STK32B: variants seen among roughly 807,000 people sequenced by gnomAD.
The protein encoded by STK32B is serine/threonine kinase 32B.
A neutral mutation model predicts 52.6 loss-of-function variants in STK32B; 43 were observed. That is an observed-to-expected ratio of 0.82 (90% confidence interval 0.64 to 1.05). STK32B has a LOEUF of 1.05. STK32B is among the 50% of genes least tolerant of loss of function. The probability of loss-of-function intolerance (pLI) is 0.00; values close to 1 mark genes in which losing one functional copy is unlikely to be tolerated. For missense variants in STK32B, 621 were observed against 534.6 expected (o/e 1.16, Z -1.59); for synonymous variants, 238 against 204.3 (o/e 1.17, Z -1.41).
intron 3 of STK32B, among the ~76,000 whole-genome samples, chr4:5,213,268 G>T (rs980808054): frequency 6.6e-6 from 1 of 152,082 alleles, no homozygotes; most frequent in Non-Finnish European, 1.5e-5. Context: ...CATCAATCCT[G>T]TCCTGGGTTA....
chr4:5,074,218 G>A (rs533954556), intron 1 of STK32B, among the ~76,000 whole-genome samples: 7 of 151,656 alleles, frequency 4.6e-5, no homozygotes, highest in East Asian at 1.9e-4. Context: ...GTGCGCGTGC[G>A]TGAAATATAT....
chr4:5,259,925 G>T (rs529518277), intron 3 of STK32B, among the ~76,000 whole-genome samples: 1 of 152,146 alleles, frequency 6.6e-6, no homozygotes, highest in African/African-American at 2.4e-5. Context: ...AAGACCTGGG[G>T]GTGTGGTAGG....
intron 3 of STK32B, among the ~76,000 whole-genome samples, chr4:5,281,901 T>C (rs970033980): frequency 2.0e-5 from 3 of 152,206 alleles, no homozygotes; most frequent in Non-Finnish European, 4.4e-5. Flanking sequence ...GATACATATG[T>C]TACATATTTT....
At chr4:5,300,181 C>T (rs893119002) in intron 3 of STK32B, among the ~76,000 whole-genome samples, 6 of 152,072 alleles carry the variant, frequency 3.9e-5, no homozygotes, top group African/African-American at 1.4e-4. Flanking sequence ...AAAAACAAAC[C>T]ATATGATCAT....
chr4:5,404,863 A>ATT (rs58235629), intron 5 of STK32B, among the ~76,000 whole-genome samples: 28 of 113,172 alleles, frequency 2.5e-4, no homozygotes, highest in African/African-American at 5.0e-4. Context: ...TCTGTATGCG[A>ATT]TTTTTTTTTT....
chr4:5,327,343 T>G (rs1731949502), intron 3 of STK32B, among the ~76,000 whole-genome samples: 1 of 150,582 alleles, frequency 6.6e-6, no homozygotes, highest in Non-Finnish European at 1.5e-5. Context: ...TCCAGAAGAT[T>G]TTCAATTTAC....
chr4:5,494,384 A>G (rs1476423239), intron 11 of STK32B, among the ~76,000 whole-genome samples: 1 of 151,026 alleles, frequency 6.6e-6, no homozygotes. Flanking sequence ...TTTATCAGAG[A>G]TTGGGATTGC....
At chr4:5,462,206 G>T (rs1246197969) in intron 9 of STK32B, among the ~76,000 whole-genome samples, 1 of 151,892 alleles carries the variant, frequency 6.6e-6, no homozygotes, top group East Asian at 1.9e-4. Flanking sequence ...CGTGGTGTGT[G>T]TGCCTATATG....
At chr4:5,129,169 C>A (rs772749240) in intron 1 of STK32B, among the ~76,000 whole-genome samples, 21 of 152,176 alleles carry the variant, frequency 1.4e-4, no homozygotes, top group Non-Finnish European at 2.6e-4. Flanking sequence ...TATGTTGTTA[C>A]AAGTAACTCC....
intron 1 of STK32B, among the ~76,000 whole-genome samples, chr4:5,060,435 A>G (rs1742174639): frequency 6.6e-6 from 1 of 151,508 alleles, no homozygotes; most frequent in African/African-American, 2.4e-5. Context: ...TTCTTGGTTT[A>G]TCAGTTTTTA....
the STK32B span, among the ~76,000 whole-genome samples, chr4:5,028,110 C>T: frequency 1.3e-5 from 2 of 152,192 alleles, no homozygotes. Flanking sequence ...GCAGAGTGCT[C>T]GGTGCGGAGC....
At chr4:5,417,549 T>C (rs1712264714) in intron 6 of STK32B, among the ~76,000 whole-genome samples, 1 of 152,076 alleles carries the variant, frequency 6.6e-6, no homozygotes, top group African/African-American at 2.4e-5. Context: ...ATTGTGTTTA[T>C]TTGTTTTGTG....
rs3077842 is a variant in STK32B at position 5,163,538 on chromosome 4, C to CTGTGTGTGTGTG, written c.109-4729_109-4718dup. On this transcript the variant is annotated intron_variant, in intron 2 of 11. Transcript: ENST00000282908. Reference sequence around the variant, plus strand: ...TAAAGAGTTTGAGATAGAGTGAAGGCTGTGTGTGTGTGTGTGTGTGTGTGT... The same window carrying CTGTGTGTGTGTG: ...TAAAGAGTTTGAGATAGAGTGAAGGCTGTGTGTGTGTGTGTGTGTGTGTGTGTGTGTGTGTGT... Among the ~76,000 whole-genome samples, 856 of 139,428 alleles carry CTGTGTGTGTGTG rather than the reference C, an allele frequency of 6.1e-3. 8 individuals carry two copies. The highest frequency in any genetic ancestry group is 0.015 in the Middle Eastern group (4 of 268). 91.5% of individuals were successfully genotyped at this position (139,428 alleles called of 152,430 possible).
chr4:5,146,652 T>C (rs184991254), intron 2 of STK32B, among the ~76,000 whole-genome samples: 196 of 152,266 alleles, frequency 1.3e-3, no homozygotes, highest in Non-Finnish European at 2.3e-3. Context: ...AACCAATACT[T>C]TGCATCCTTC....
At chr4:5,050,408 G>T (rs1047145575), upstream of STK32B, among the ~76,000 whole-genome samples, 18 of 147,300 alleles carry the variant, frequency 1.2e-4, no homozygotes, top group Non-Finnish European at 9.2e-5. Context: ...GCCTTTAAGA[G>T]ATTTTTTGTT....
At chr4:5,162,511 C>T (rs114509973) in intron 2 of STK32B, among the ~76,000 whole-genome samples, 1,643 of 152,282 alleles carry the variant, frequency 0.011, 18 homozygotes, top group Non-Finnish European at 0.018. Flanking sequence ...ATTTCTGATG[C>T]TCAGTGTGTT....
At chr4:5,196,855 A>G (rs1275773490) in intron 3 of STK32B, among the ~76,000 whole-genome samples, 2 of 152,240 alleles carry the variant, frequency 1.3e-5, no homozygotes, top group African/African-American at 2.4e-5. Context: ...CTAGGTGAGC[A>G]CAGCACTCCA....
intron 3 of STK32B, among the ~76,000 whole-genome samples, chr4:5,225,411 AAAAAT>A (rs1296391511): frequency 5.3e-5 from 8 of 152,190 alleles, no homozygotes; most frequent in African/African-American, 1.7e-4. Flanking sequence ...CGTCTCGAAA[AAAAAT>A]AAAATAAAAT....
At chr4:5,247,603 C>T (rs528043205) in intron 3 of STK32B, among the ~76,000 whole-genome samples, 4 of 152,290 alleles carry the variant, frequency 2.6e-5, no homozygotes, top group African/African-American at 9.6e-5. Context: ...CCGGCGCTTC[C>T]CTGTGTGATG....
Sources: allele counts gnomAD v4.1 joint callset (sites outside exome capture counted in the v4.1 genomes callset), GRCh38; gene constraint gnomAD v4.1.1; transcripts MANE v1.5; gene names NCBI Gene and HGNC (gene_info 2026-07-23, HGNC 2026-07-21).